Variants in SWT1 observed in about 807,000 individuals in gnomAD.
SWT1 encodes transcriptional protein SWT1.
SWT1 carries 33 observed loss-of-function variants against 107.3 expected under a neutral mutation model. The observed-to-expected ratio is 0.31, with a 90% CI of 0.23 to 0.41. The LOEUF (loss-of-function observed/expected upper bound fraction) is 0.41. Among genes scored for constraint, SWT1 ranks in the 10% least tolerant of loss-of-function variants. The probability of loss-of-function intolerance (pLI) is 1.00; values close to 1 mark genes in which losing one functional copy is unlikely to be tolerated. For synonymous variants in SWT1, 345 were observed against 348.3 expected (o/e 0.99, Z 0.11); for missense variants, 898 against 1,028.9 (o/e 0.87, Z 1.74).
intron 5 of SWT1, 109 bp from the exon 6 acceptor site, chr1:185,180,282 G>A: frequency 1.2e-6 from 1 of 836,530 alleles, no homozygotes; most frequent in Non-Finnish European, 2.0e-6. Context: ...AATATACAGG[G>A]CAACCCCTAA....
chr1:185,216,062 A>ATTACTTCATAGTAATGAT (rs780960464), intron 14 of SWT1, among the ~76,000 whole-genome samples: 1 of 152,218 alleles, frequency 6.6e-6, no homozygotes, highest in Non-Finnish European at 1.5e-5. Flanking sequence ...GGATTAGATG[A>ATTACTTCATAGTAATGAT]TACTAACATT....
At chr1:185,242,516 A>G (rs1661321319) in intron 16 of SWT1, among the ~76,000 whole-genome samples, 1 of 152,148 alleles carries the variant, frequency 6.6e-6, no homozygotes. Flanking sequence ...TGATACTTAT[A>G]TCAGCGGAGA....
intron 2 of SWT1, among the ~76,000 whole-genome samples, chr1:185,165,627 C>A (rs1244540847): frequency 1.3e-5 from 2 of 152,216 alleles, no homozygotes; most frequent in African/African-American, 4.8e-5. Context: ...CATGTTACTC[C>A]TCTGCTAAAT....
At chr1:185,253,214 C>T (rs796667197) in intron 16 of SWT1, among the ~76,000 whole-genome samples, 74 of 150,204 alleles carry the variant, frequency 4.9e-4, no homozygotes, top group Non-Finnish European at 9.0e-4. Flanking sequence ...AGTCAGGTAG[C>T]GTGATACCTC....
At chr1:185,174,286 C>A in intron 4 of SWT1, 86 bp from the exon 5 acceptor site, 1 of 1,083,164 alleles carries the variant, frequency 9.2e-7, no homozygotes, top group Non-Finnish European at 1.3e-6. Context: ...TTAATGTCAG[C>A]CCAATTCTGT....
intron 16 of SWT1, chr1:185,266,604 A>G (rs1035900092): frequency 6.6e-6 from 1 of 151,546 alleles, no homozygotes; most frequent in Non-Finnish European, 1.5e-5. Flanking sequence ...CTCCACTCCC[A>G]CTGCTTCCTT....
intron 16 of SWT1, among the ~76,000 whole-genome samples, chr1:185,233,785 C>T (rs1302067195): frequency 6.6e-6 from 1 of 152,102 alleles, no homozygotes; most frequent in African/African-American, 2.4e-5. Flanking sequence ...GCTCTGTCGC[C>T]CAGGCTGGAG....
intron 18 of SWT1, among the ~76,000 whole-genome samples, chr1:185,290,414 A>G (rs1410618524): frequency 6.6e-6 from 1 of 152,180 alleles, no homozygotes; most frequent in Non-Finnish European, 1.5e-5. Flanking sequence ...CTATCTCTAA[A>G]AAAAGTTTTT....
intron 18 of SWT1, chr1:185,281,701 G>T (rs1190104701): frequency 2.4e-5 from 4 of 167,264 alleles, no homozygotes; most frequent in Admixed American, 6.3e-5. Flanking sequence ...TGCTAACCAG[G>T]GTGCAGAGAA....
Position 185,184,912 on chromosome 1 carries a change from A to T in SWT1, c.1410A>T (p.Gln470His), listed in dbSNP as rs760660794. The T allele has an allele frequency of 6.8e-7, 1 of 1,477,140 alleles. No individual in the cohort carries two copies. The highest frequency in any genetic ancestry group is 2.5e-5 in the Admixed American group (1 of 39,660). The allele number at this position is 1,477,140 out of a possible 1,614,324, so 91.5% of individuals were successfully genotyped here. ...QDRKLWGQSIQLASQKHYGLS... is the reference protein window; with the variant it reads ...QDRKLWGQSIHLASQKHYGLS... ...GAAAGCTATGGGGTCAGTCAATACA[A>T]CTTGCATCCCAAAAACATTGTAAGT... The change falls in exon 9 of 19, where the codon CAA becomes CAT. Residue 470 changes from glutamine (Q) to histidine (H), a missense_variant. Gln to His is a conservative substitution (Grantham distance 24). Transcript: ENST00000367500.
intron 15 of SWT1, among the ~76,000 whole-genome samples, chr1:185,230,652 T>C (rs1485441915): frequency 1.3e-5 from 2 of 152,190 alleles, no homozygotes; most frequent in Admixed American, 6.5e-5. Flanking sequence ...GTTGTTCTTA[T>C]GTTATAAAGT....
intron 10 of SWT1, among the ~76,000 whole-genome samples, chr1:185,199,961 C>T (rs985480371): frequency 2.0e-5 from 3 of 151,940 alleles, no homozygotes; most frequent in Admixed American, 1.3e-4. Context: ...TCTTTTTTCT[C>T]TAATCTTGTC....
At chr1:185,199,054 C>T (rs1056606671) in intron 10 of SWT1, among the ~76,000 whole-genome samples, 2 of 151,734 alleles carry the variant, frequency 1.3e-5, no homozygotes, top group African/African-American at 4.8e-5. Context: ...TCTCCTGCCT[C>T]AGCCTCCTGA....
rs139326046 is a variant in SWT1 at position 185,278,128 on chromosome 1, G to A, written c.2573+1460G>A. Among the ~76,000 whole-genome samples, 662 of 152,072 alleles carry A rather than the reference G, an allele frequency of 4.4e-3. 2 individuals are homozygous for A. Among genetic ancestry groups the A allele is most frequent in the Middle Eastern group, 0.014 (4 of 294 alleles). The stretch of plus-strand genomic sequence containing the variant: ...CAGGCATGAGCCACCATGCCCAGCC[G>A]CAAATCCAATTCTTACATACACAGG... On this transcript the variant is annotated intron_variant, in intron 18 of 18. Coordinates refer to ENST00000367500, the MANE Select transcript of SWT1 (RefSeq NM_017673.7).
intron 11 of SWT1, 149 bp downstream of exon 11, chr1:185,202,948 A>G (rs1050978180): frequency 2.2e-6 from 1 of 445,446 alleles, no homozygotes; most frequent in Non-Finnish European, 3.9e-6. Context: ...CATTGAATAA[A>G]TGGAAGTTAT....
At chr1:185,210,611 G>A (rs2102484283) in intron 13 of SWT1, among the ~76,000 whole-genome samples, 1 of 152,232 alleles carries the variant, frequency 6.6e-6, no homozygotes, top group Admixed American at 6.5e-5. Context: ...GCAAAAGATG[G>A]AAGCATTCCC....
At chr1:185,256,978 C>T (rs191614526) in intron 16 of SWT1, among the ~76,000 whole-genome samples, 26 of 152,182 alleles carry the variant, frequency 1.7e-4, no homozygotes, top group African/African-American at 5.8e-4. Context: ...GTCCTTTCTG[C>T]TTGTTAGTTT....
In SWT1 at chr1:185,174,394, C is replaced by G. The variant is rs754065451; in HGVS notation, c.247C>G (p.Leu83Val). The change falls in exon 5 of 19, where the codon CTC becomes GTC. Residue 83 changes from leucine to valine, a missense_variant. By Grantham distance (32) the Leu-to-Val change is conservative (BLOSUM62 1). Around this residue, in one of 6 missense-constraint regions of SWT1, gnomAD observed 382 missense variants for 362.4 expected, o/e 1.05. Coordinates refer to ENST00000367500, the MANE Select transcript of SWT1 (RefSeq NM_017673.7). Reference sequence around the variant, plus strand: ...CAGATTGAGTGTAGAAATTGACACTCTCAGAAGGAGACCAAAAATCGGTTC... The same window carrying G: ...CAGATTGAGTGTAGAAATTGACACTGTCAGAAGGAGACCAAAAATCGGTTC... ...LKRLSVEIDT[L>V]RRRPKIGSSS... 3.2e-6 allele frequency: 5 copies of G among 1,573,556 alleles called. No individual in the cohort carries two copies. Among genetic ancestry groups the G allele is most frequent in the Non-Finnish European group, 4.3e-6 (5 of 1,165,522 alleles).
At chr1:185,251,527 C>G (rs1047924700) in intron 16 of SWT1, 1 of 152,006 alleles carries the variant, frequency 6.6e-6, no homozygotes, top group African/African-American at 2.4e-5. Context: ...TTTTCAATTT[C>G]TTATTGTAAT....
Sources: allele counts gnomAD v4.1 joint callset (sites outside exome capture counted in the v4.1 genomes callset), GRCh38; gene constraint gnomAD v4.1.1; regional missense constraint gnomAD v4.1.1; transcripts MANE v1.5; gene names NCBI Gene and HGNC (gene_info 2026-07-23, HGNC 2026-07-21).